The following NRXN1 variants were observed in gnomAD, a reference collection of about 807,000 sequenced individuals.
NRXN1 encodes neurexin 1.
A neutral mutation model predicts 150.9 loss-of-function variants in NRXN1; 39 were observed. That is an observed-to-expected ratio of 0.26 (90% CI 0.20 to 0.34). The LOEUF (loss-of-function observed/expected upper bound fraction) is 0.34. NRXN1 is among the 10% of genes least tolerant of loss of function. The pLI is 1.00. For synonymous variants in NRXN1, 924 were observed against 757.0 expected, an observed-to-expected ratio of 1.22 and a Z score of -3.62; for missense variants, 1,815 against 1,949.9, an observed-to-expected ratio of 0.93 and a Z score of 1.30.
intron 5 of NRXN1, among the ~76,000 whole-genome samples, chr2:50,682,288 C>A (rs1690521177): frequency 6.6e-6 from 1 of 152,162 alleles, no homozygotes; most frequent in African/African-American, 2.4e-5. Flanking sequence ...ATCATATTTT[C>A]TTTCCAAGAA....
chr2:50,992,604 T>C (rs1490329237), intron 2 of NRXN1, among the ~76,000 whole-genome samples: 1 of 151,958 alleles, frequency 6.6e-6, no homozygotes, highest in East Asian at 1.9e-4. Context: ...GGAGGGCCTT[T>C]TGAGGATTAA....
chr2:50,631,025 A>G (rs969737390), intron 5 of NRXN1: 18 of 410,954 alleles, frequency 4.4e-5, no homozygotes, highest in Middle Eastern at 3.4e-4. Context: ...GAAATTTACT[A>G]TTATCTTATT....
chr2:49,954,565 GAGAA>G (rs1462048462), intron 21 of NRXN1, among the ~76,000 whole-genome samples: 1 of 152,122 alleles, frequency 6.6e-6, no homozygotes, highest in Admixed American at 6.6e-5. Flanking sequence ...AATTAAAGGA[GAGAA>G]AGAGAGAGAA....
At chr2:50,105,991 T>C (rs1305304041) in intron 18 of NRXN1, among the ~76,000 whole-genome samples, 1 of 151,828 alleles carries the variant, frequency 6.6e-6, no homozygotes, top group East Asian at 1.9e-4. Flanking sequence ...ATTATAATTT[T>C]TCAACTTTCT....
At chr2:50,265,230 T>C (rs2152917346) in intron 17 of NRXN1, among the ~76,000 whole-genome samples, 1 of 152,208 alleles carries the variant, frequency 6.6e-6, no homozygotes, top group South Asian at 2.1e-4. Context: ...AAAAAAGTCT[T>C]GGGCAAGGAC....
In NRXN1 at chr2:50,705,789, T is replaced by C. The variant is rs536340633; in HGVS notation, c.833-82174A>G. 2.0e-5 allele frequency among the ~76,000 whole-genome samples: 3 copies of C among 152,238 alleles called. No individual in the cohort carries two copies. In the South Asian group the frequency reaches 6.2e-4, roughly 32 times the overall value. On this transcript the variant is annotated intron_variant, in intron 5 of 22. Transcript: ENST00000401669. ...GACACCGCTGATGAGCCCATGCTTG[T>C]CACCTAATTCAGGAATTGCCCTTAT...
intron 5 of NRXN1, among the ~76,000 whole-genome samples, chr2:50,717,041 T>C (rs1271120128): frequency 1.3e-5 from 2 of 152,178 alleles, no homozygotes; most frequent in Non-Finnish European, 2.9e-5. Flanking sequence ...GGAGCCTTCA[T>C]GTTGTTACTC....
At chr2:50,380,697 AT>A (rs1351478526) in intron 17 of NRXN1, among the ~76,000 whole-genome samples, 2 of 152,110 alleles carry the variant, frequency 1.3e-5, no homozygotes, top group Non-Finnish European at 2.9e-5. Flanking sequence ...AATGATAGCA[AT>A]TTATAACTAC....
chr2:50,672,668 T>C (rs556003996), intron 5 of NRXN1, among the ~76,000 whole-genome samples: 1 of 151,976 alleles, frequency 6.6e-6, no homozygotes, highest in Non-Finnish European at 1.5e-5. Flanking sequence ...AGAGGCTAAA[T>C]GAAGACAAAA....
intron 5 of NRXN1, among the ~76,000 whole-genome samples, chr2:50,762,905 G>C (rs1701971317): frequency 6.6e-6 from 1 of 151,912 alleles, no homozygotes; most frequent in Middle Eastern, 3.2e-3. Context: ...ACGATTACTT[G>C]AAGTTCTCAA....
In NRXN1 at chr2:50,910,823, G is replaced by C. The variant is rs1684412826; in HGVS notation, c.832+11046C>G. The stretch of plus-strand genomic sequence containing the variant: ...AGCTAATCTTTGACCAAAAAAGTAA[G>C]ATTCAGTCTATCATTGGATTCTGCT... On this transcript the variant is annotated intron_variant, in intron 5 of 22. Coordinates refer to ENST00000401669, the MANE Select transcript of NRXN1 (RefSeq NM_001330078.2). Among the ~76,000 whole-genome samples, 4 of 151,882 alleles carry C rather than the reference G, an allele frequency of 2.6e-5. No individual in the cohort carries two copies. The South Asian group carries it at 8.3e-4, about 31-fold the overall frequency.
intron 9 of NRXN1, among the ~76,000 whole-genome samples, chr2:50,541,510 G>A (rs1395506167): frequency 6.6e-6 from 1 of 152,166 alleles, no homozygotes; most frequent in Non-Finnish European, 1.5e-5. Context: ...TATTTATGGT[G>A]TGTTAGTGCT....
rs556078770 is a variant in NRXN1 at position 50,151,067 on chromosome 2, CA to C, written c.3547-59574del. Reference sequence around the variant, plus strand: ...AAGAGTTCTCAGAAACTAAGTTTTTCACCTCAAGGAAAAGCCTAGTCTGCAG... The same window carrying C: ...AAGAGTTCTCAGAAACTAAGTTTTTCCCTCAAGGAAAAGCCTAGTCTGCAG... On this transcript the variant is annotated intron_variant, in intron 18 of 22. Coordinates refer to ENST00000401669, the MANE Select transcript of NRXN1 (RefSeq NM_001330078.2). 1.5e-4 allele frequency among the ~76,000 whole-genome samples: 23 copies of C among 151,788 alleles called. No homozygotes were observed. In the South Asian group the frequency reaches 3.3e-3, roughly 22 times the overall value.
chr2:51,014,326 G>T (rs995611254), intron 2 of NRXN1, among the ~76,000 whole-genome samples: 1 of 152,032 alleles, frequency 6.6e-6, no homozygotes, highest in African/African-American at 2.4e-5. Context: ...TTTTAGCTCA[G>T]TGAAGACAGC....
intron 2 of NRXN1, among the ~76,000 whole-genome samples, chr2:51,004,758 A>G (rs1308419028): frequency 6.6e-6 from 1 of 152,032 alleles, no homozygotes; most frequent in African/African-American, 2.4e-5. Context: ...TTTTTCAAGG[A>G]GGGGAATGCC....
At chr2:50,541,088 T>C (rs189097329) in intron 9 of NRXN1, among the ~76,000 whole-genome samples, 2 of 152,226 alleles carry the variant, frequency 1.3e-5, no homozygotes, top group Admixed American at 1.3e-4. Flanking sequence ...TATTGAGAAA[T>C]TGAGAAGAAA....
intron 18 of NRXN1, among the ~76,000 whole-genome samples, chr2:50,122,577 C>A (rs146300009): frequency 1.3e-5 from 2 of 152,200 alleles, no homozygotes; most frequent in African/African-American, 4.8e-5. Flanking sequence ...CTGACATCAC[C>A]TCCTCACATG....
chr2:50,276,376 C>T (rs1046262164), intron 17 of NRXN1, among the ~76,000 whole-genome samples: 7 of 152,056 alleles, frequency 4.6e-5, no homozygotes, highest in Admixed American at 1.3e-4. Context: ...ACGGGAAGAA[C>T]ATTAAAAGGT....
intron 5 of NRXN1, among the ~76,000 whole-genome samples, chr2:50,799,089 A>C (rs1707237493): frequency 6.6e-6 from 1 of 152,354 alleles, no homozygotes; most frequent in South Asian, 2.1e-4. Flanking sequence ...TGTATCTACC[A>C]TCTATCTCAG....
Sources: allele counts gnomAD v4.1 joint callset (sites outside exome capture counted in the v4.1 genomes callset), GRCh38; gene constraint gnomAD v4.1.1; transcripts MANE v1.5; gene names NCBI Gene and HGNC (gene_info 2026-07-23, HGNC 2026-07-21).